TLCD4: variants seen among roughly 807,000 people sequenced by gnomAD.
The protein encoded by TLCD4 is TLC domain-containing protein 4.
In TLCD4, 7 loss-of-function variants were observed where a neutral mutation model predicts 24.2. That is an observed-to-expected ratio of 0.29 (90% CI 0.16 to 0.54). The LOEUF is 0.54. Among genes scored for constraint, TLCD4 ranks in the 20% least tolerant of loss-of-function variants. The pLI is 0.95. For missense variants in TLCD4, 259 were observed against 313.9 expected, an observed-to-expected ratio of 0.82 and a Z score of 1.32; for synonymous variants, 103 against 106.4, an observed-to-expected ratio of 0.97 and a Z score of 0.20.
intron 5 of TLCD4, among the ~76,000 whole-genome samples, chr1:95,172,976 A>G (rs1478229467): frequency 1.3e-5 from 2 of 152,184 alleles, no homozygotes; most frequent in African/African-American, 4.8e-5. Context: ...TTTTCCTTCC[A>G]ATGTTTACTA....
intron 2 of TLCD4, among the ~76,000 whole-genome samples, chr1:95,147,917 T>C (rs1380186036): frequency 6.6e-6 from 1 of 152,202 alleles, no homozygotes; most frequent in Non-Finnish European, 1.5e-5. Flanking sequence ...TTAAATTTAT[T>C]AACAAGATAT....
intron 5 of TLCD4, among the ~76,000 whole-genome samples, chr1:95,167,114 A>G (rs1335089201): frequency 6.6e-6 from 1 of 151,784 alleles, no homozygotes; most frequent in African/African-American, 2.4e-5. Flanking sequence ...GGCCCTCAGT[A>G]TGCGTCTCAT....
the TLCD4 span, among the ~76,000 whole-genome samples, chr1:95,111,744 A>G: frequency 6.6e-6 from 1 of 152,156 alleles, no homozygotes; most frequent in Admixed American, 6.5e-5. Flanking sequence ...AGATTGCTGT[A>G]TAATGGTTCA....
chr1:95,109,670 G>A, the TLCD4 span, among the ~76,000 whole-genome samples: 1 of 151,312 alleles, frequency 6.6e-6, no homozygotes, highest in South Asian at 2.1e-4. Flanking sequence ...TGTATTTTTA[G>A]TAGAGACGGG....
At chr1:95,116,788 T>G (rs556888431), upstream of TLCD4, among the ~76,000 whole-genome samples, 5 of 152,172 alleles carry the variant, frequency 3.3e-5, no homozygotes, top group Non-Finnish European at 7.3e-5. Context: ...GTAGGTGTAG[T>G]GCTGGTGCAC....
At chr1:95,148,844 ATTAT>A (rs1557684738) in intron 3 of TLCD4, 53 bp downstream of exon 3, 3 of 1,591,856 alleles carry the variant, frequency 1.9e-6, no homozygotes, top group Non-Finnish European at 2.6e-6. Context: ...TTTGATATTA[ATTAT>A]TTATAAGAAC....
At chr1:95,105,978 G>A in the TLCD4 span, among the ~76,000 whole-genome samples, 1 of 151,976 alleles carries the variant, frequency 6.6e-6, no homozygotes, top group Non-Finnish European at 1.5e-5. Context: ...TTTGGAGGCA[G>A]TTGTTCTAAT....
At chr1:95,094,046 A>G in the TLCD4 span, among the ~76,000 whole-genome samples, 5 of 152,188 alleles carry the variant, frequency 3.3e-5, no homozygotes, top group Non-Finnish European at 7.3e-5. Flanking sequence ...AAATAATGAT[A>G]TGGGAATTTT....
At chr1:95,176,391 A>G (rs1184924679) in intron 6 of TLCD4, among the ~76,000 whole-genome samples, 2 of 151,736 alleles carry the variant, frequency 1.3e-5, no homozygotes, top group African/African-American at 4.8e-5. Context: ...GGGTTTTGCC[A>G]TGTTGGCCAG....
At chr1:95,125,121 C>T (rs1290160388) in intron 1 of TLCD4, among the ~76,000 whole-genome samples, 1 of 152,188 alleles carries the variant, frequency 6.6e-6, no homozygotes, top group Non-Finnish European at 1.5e-5. Flanking sequence ...ACTTCCATGA[C>T]CACATTCACC....
At chr1:95,105,893 T>TCAAAAAAAA in the TLCD4 span, among the ~76,000 whole-genome samples, 53 of 102,860 alleles carry the variant, frequency 5.2e-4, 7 homozygotes, top group Non-Finnish European at 7.3e-4. Flanking sequence ...AGACTCCGTC[T>TCAAAAAAAA]TAAAAAAAAA....
At chr1:95,142,291 C>CTTT (rs33917874) in intron 1 of TLCD4, among the ~76,000 whole-genome samples, 2 of 116,792 alleles carry the variant, frequency 1.7e-5, no homozygotes, top group East Asian at 2.4e-4. Flanking sequence ...TTATAAAAAT[C>CTTT]TTTTTTTTTT....
intron 1 of TLCD4, among the ~76,000 whole-genome samples, chr1:95,122,134 A>AC (rs1205254427): frequency 2.6e-5 from 4 of 152,306 alleles, no homozygotes; most frequent in African/African-American, 7.2e-5. Flanking sequence ...TGGGCAGATC[A>AC]CCTAAGTGAA....
At chr1:95,167,035 CTT>C (rs1351453526) in intron 5 of TLCD4, among the ~76,000 whole-genome samples, 2 of 152,054 alleles carry the variant, frequency 1.3e-5, no homozygotes, top group African/African-American at 4.8e-5. Flanking sequence ...GTACCTAGTT[CTT>C]TTTCCTCTTT....
At chr1:95,109,922 T>TATATATATATATATATATGTATGC in the TLCD4 span, among the ~76,000 whole-genome samples, 1 of 75,704 alleles carries the variant, frequency 1.3e-5, no homozygotes, top group African/African-American at 7.3e-5. Flanking sequence ...CATATATATA[T>TATATATATATATATATATGTATGC]ATATATATAT....
the TLCD4 span, among the ~76,000 whole-genome samples, chr1:95,110,474 C>T: frequency 5.8e-3 from 877 of 152,082 alleles, 12 homozygotes; most frequent in African/African-American, 0.02. Flanking sequence ...TGGTTAAATA[C>T]ATTATGTTAA....
chr1:95,148,891 C>G, intron 3 of TLCD4, 100 bp downstream of exon 3: 3 of 1,378,750 alleles, frequency 2.2e-6, no homozygotes, highest in Non-Finnish European at 2.9e-6. Context: ...ACATATTGAT[C>G]GTATATGCCT....
chr1:95,094,861 T>G, the TLCD4 span, among the ~76,000 whole-genome samples: 8 of 152,230 alleles, frequency 5.3e-5, no homozygotes, highest in Non-Finnish European at 1.2e-4. Context: ...CTATCCTGGA[T>G]AATTAAAGCC....
chr1:95,148,121 T>C (rs950398817), intron 2 of TLCD4, among the ~76,000 whole-genome samples: 4 of 152,250 alleles, frequency 2.6e-5, no homozygotes, highest in African/African-American at 9.6e-5. Flanking sequence ...TAATAATAGC[T>C]ACCCTTGTTT....
Sources: allele counts gnomAD v4.1 joint callset (sites outside exome capture counted in the v4.1 genomes callset), GRCh38; gene constraint gnomAD v4.1.1; transcripts MANE v1.5; gene names NCBI Gene and HGNC (gene_info 2026-07-23, HGNC 2026-07-21).